Variants in THAP6 observed in about 807,000 individuals in gnomAD.
The protein encoded by THAP6 is THAP domain containing 6, also known as THAP domain-containing protein 6.
A neutral mutation model predicts 20.0 loss-of-function variants in THAP6; 13 were observed. That is an observed-to-expected ratio of 0.65 (90% CI 0.42 to 1.03). The LOEUF (loss-of-function observed/expected upper bound fraction) is 1.03, where lower values mean the gene tolerates loss of function less well. THAP6 is among the 50% of genes least tolerant of loss of function. The probability of loss-of-function intolerance (pLI) is 0.00; values close to 1 mark genes in which losing one functional copy is unlikely to be tolerated. For synonymous variants in THAP6, 93 were observed against 92.2 expected (o/e 1.01, Z -0.05); for missense variants, 262 against 261.6 (o/e 1.00, Z -0.01).
intron 4 of THAP6, chr4:75,522,654 T>G (rs903791881): frequency 1.3e-5 from 2 of 152,192 alleles, no homozygotes; most frequent in African/African-American, 4.8e-5. Flanking sequence ...TCAGTTGTTT[T>G]GATTTTTAGA....
intron 3 of THAP6, 90 bp from the exon 4 acceptor site, chr4:75,521,646 A>G: frequency 7.7e-7 from 1 of 1,306,256 alleles, no homozygotes; most frequent in Non-Finnish European, 1.0e-6. Context: ...ATGTGGTATT[A>G]ACTTCACTAT....
rs780935900 is a variant in THAP6, at chr4:75,527,190, C to A, written c.645C>A (p.Ser215Arg). 12 of 1,613,860 alleles carry A rather than the reference C, an allele frequency of 7.4e-6. No individual in the cohort carries two copies. The highest frequency in any genetic ancestry group is 1.0e-5 in the Non-Finnish European group (12 of 1,179,902). ...DTFCWDCCQE[S>R]IEQDYIS ...TCTGTTGGGACTGTTGTCAGGAGAG[C>A]ATAGAACAGGACTATATTTCATGAA... Residue 215 changes from serine (S) to arginine (R), a missense_variant, in exon 5 of 5, where the codon AGC becomes AGA. Ser to Arg is a moderately radical substitution (Grantham distance 110). Transcript: ENST00000311638.
Position 75,527,287 on chromosome 4 carries a change from T to C in THAP6, c.*73T>C. On this transcript the variant is annotated 3_prime_UTR_variant, in exon 5 of 5. Transcript: ENST00000311638. Reference sequence around the variant, plus strand: ...TTTATAAAATCTCATTTACCATCACTAAATAATATCCATCATTTAAAGTGC... The same window carrying C: ...TTTATAAAATCTCATTTACCATCACCAAATAATATCCATCATTTAAAGTGC... 1 of 1,546,514 alleles carries C rather than the reference T, an allele frequency of 6.5e-7. No homozygotes were observed. The highest frequency in any genetic ancestry group is 1.7e-4 in the Middle Eastern group (1 of 5,734).
At position 75,528,869 on chromosome 4, in the gene THAP6, TGAAA is replaced by T; in HGVS notation, c.*1656_*1659del. ...TTCAAAACCAGCCTGGCCAAGATGG[TGAAA>T]CCCCATCTCTGCTAAAAATACAAAA... On this transcript the variant is annotated 3_prime_UTR_variant, in exon 5 of 5. Coordinates refer to ENST00000311638, the MANE Select transcript of THAP6 (RefSeq NM_144721.6). The T allele has an allele frequency of 1.4e-6, 1 of 703,028 alleles. No individual in the cohort carries two copies. Among genetic ancestry groups the T allele is most frequent in the South Asian group, 6.4e-5 (1 of 15,680 alleles). 43.5% of individuals were successfully genotyped at this position (703,028 alleles called of 1,614,324 possible). A position where few individuals can be genotyped will look rare whatever the true frequency, so the allele number is the denominator to read the frequency against.
upstream of THAP6, chr4:75,514,072 G>C (rs1436620368): frequency 6.9e-7 from 1 of 1,443,434 alleles, no homozygotes; most frequent in African/African-American, 1.4e-5. Context: ...CCCAGTTCCA[G>C]GTGGAAAAGG....
chr4:75,526,102 C>T (rs193219167), intron 4 of THAP6, among the ~76,000 whole-genome samples: 1 of 152,318 alleles, frequency 6.6e-6, no homozygotes, highest in East Asian at 1.9e-4. Context: ...CTGGGTTTCC[C>T]TTCCTTGCCC....
At chr4:75,542,518 T>C in intron 3 of THAP6, 1 of 699,778 alleles carries the variant, frequency 1.4e-6, no homozygotes, top group Non-Finnish European at 2.6e-6. Context: ...ACTTAAACTT[T>C]ATTAACTCAT....
downstream of THAP6, among the ~76,000 whole-genome samples, chr4:75,533,765 A>T (rs534629817): frequency 1.3e-5 from 2 of 151,674 alleles, no homozygotes; most frequent in South Asian, 2.1e-4. Context: ...TTTTTTTCAA[A>T]TTTTTTTTTA....
rs540422042 is a variant in THAP6, at chr4:75,528,409, A to G, written c.*1195A>G. 1.0e-6 allele frequency: 1 copy of G among 985,462 alleles called. No individual in the cohort carries two copies. Among genetic ancestry groups the G allele is most frequent in the African/African-American group, 1.7e-5 (1 of 57,378 alleles). The allele number at this position is 985,462 out of a possible 1,614,324, so 61.0% of individuals were successfully genotyped here. ...CATTTGCCAAAGCAACACTCTACTTAGAAGCACATGTACATACATGGACCT... is the reference window on the plus strand; with the variant it reads ...CATTTGCCAAAGCAACACTCTACTTGGAAGCACATGTACATACATGGACCT... On this transcript the variant is annotated 3_prime_UTR_variant, in exon 5 of 5. Coordinates refer to ENST00000311638, the MANE Select transcript of THAP6 (RefSeq NM_144721.6).
chr4:75,534,634 A>T (rs1397352072), downstream of THAP6, among the ~76,000 whole-genome samples: 1 of 152,206 alleles, frequency 6.6e-6, no homozygotes, highest in Non-Finnish European at 1.5e-5. Context: ...CAACCTACAG[A>T]ATGGGAGAAA....
chr4:75,538,384 GA>G (rs36044352), intron 2 of THAP6, among the ~76,000 whole-genome samples: 38,358 of 140,634 alleles, frequency 0.27, 4,894 homozygotes, highest in African/African-American at 0.31. Flanking sequence ...TCAGTATTGT[GA>G]AAAAAAAAAA....
chr4:75,541,721 C>T (rs866184145), intron 2 of THAP6, among the ~76,000 whole-genome samples: 8 of 152,082 alleles, frequency 5.3e-5, no homozygotes, highest in South Asian at 4.1e-4. Flanking sequence ...TTTGGGAGGC[C>T]GAGGCAGGTG....
chr4:75,533,001 C>T (rs1402988634), downstream of THAP6, among the ~76,000 whole-genome samples: 1 of 152,196 alleles, frequency 6.6e-6, no homozygotes. Flanking sequence ...CATTCAGCTC[C>T]TCATTACTTA....
At chr4:75,545,711 G>A (rs1727111466) in intron 3 of THAP6, among the ~76,000 whole-genome samples, 1 of 152,190 alleles carries the variant, frequency 6.6e-6, no homozygotes, top group Non-Finnish European at 1.5e-5. Context: ...ACTCACCGTG[G>A]CTCTGTGAGA....
At position 75,527,746 on chromosome 4, in the gene THAP6, CTG is replaced by C. The variant is rs1475214740; in HGVS notation, c.*533_*534del. 1.0e-6 allele frequency: 1 copy of C among 988,574 alleles called. No individual in the cohort carries two copies. The highest frequency in any genetic ancestry group is 1.7e-5 in the African/African-American group (1 of 57,250). The allele number at this position is 988,574 out of a possible 1,614,324, so 61.2% of individuals were successfully genotyped here. On this transcript the variant is annotated 3_prime_UTR_variant, in exon 5 of 5. Transcript: ENST00000311638. ...TACAAGGCTTCCTGTGGTATTGACT[CTG>C]AGAATAACACATAGTGAAGATCTGT...
intron 2 of THAP6, among the ~76,000 whole-genome samples, chr4:75,516,021 TG>T (rs1725592201): frequency 1.3e-5 from 2 of 152,238 alleles, no homozygotes; most frequent in Admixed American, 1.3e-4. Flanking sequence ...TTGACAGCCA[TG>T]AAGGAGTAAG....
intron 2 of THAP6, chr4:75,539,926 AG>A: frequency 6.5e-7 from 1 of 1,536,136 alleles, no homozygotes. Context: ...TGCATTTCAT[AG>A]GGAATGGCAA....
Position 75,526,965 on chromosome 4 carries a change from T to C in THAP6, c.420T>C (p.His140=). ...CTTGGTGTTTATGTTTTTAGGAACA[T>C]AGCTACAGTGTAATGGACAGTCCAA... ...EEFQSQFIFE[H]SYSVMDSPKK... Residue 140 remains histidine (H), a synonymous_variant, in exon 5 of 5, where the codon CAT becomes CAC. Coordinates refer to ENST00000311638, the MANE Select transcript of THAP6 (RefSeq NM_144721.6). 1 of 1,613,110 alleles carries C rather than the reference T, an allele frequency of 6.2e-7. No individual in the cohort carries two copies.
At chr4:75,522,487 T>G (rs1367647903) in intron 4 of THAP6, 1 of 152,172 alleles carries the variant, frequency 6.6e-6, no homozygotes, top group African/African-American at 2.4e-5. Flanking sequence ...TACAATAAAT[T>G]ATTGTTGGCT....
Sources: gnomAD v4.1 joint callset for allele counts (sites outside exome capture counted in the v4.1 genomes callset) on GRCh38, gnomAD v4.1.1 for gene constraint, MANE v1.5 for transcripts, NCBI Gene and HGNC (gene_info 2026-07-23, HGNC 2026-07-21) for gene names.